The following GALK1 variants were observed in gnomAD, a reference collection of about 807,000 sequenced individuals.
The protein encoded by GALK1 is galactokinase.
A neutral mutation model predicts 38.6 loss-of-function variants in GALK1; 30 were observed. That is an observed-to-expected ratio of 0.78 (90% CI 0.58 to 1.05). GALK1 has a LOEUF of 1.05. Among genes scored for constraint, GALK1 ranks in the 50% least tolerant of loss-of-function variants. GALK1 has a pLI of 0.00. For missense variants in GALK1, 512 were observed against 540.5 expected (o/e 0.95, Z 0.52); for synonymous variants, 240 against 233.6 (o/e 1.03, Z -0.25).
chr17:75,760,341 C>T (rs1282547692), intron 5 of GALK1, among the ~76,000 whole-genome samples: 1 of 152,012 alleles, frequency 6.6e-6, no homozygotes, highest in African/African-American at 2.4e-5. Context: ...AATCTGCCCA[C>T]CTTGGCCTCC....
chr17:75,758,679 G>T, intron 5 of GALK1, 80 bp from the exon 6 acceptor site: 2 of 1,514,846 alleles, frequency 1.3e-6, no homozygotes, highest in South Asian at 1.2e-5. Context: ...AGGCGGTGAT[G>T]GCAGTGGCCC....
chr17:75,756,795 G>T (rs906375343), downstream of GALK1: 1 of 1,612,646 alleles, frequency 6.2e-7, no homozygotes, highest in Non-Finnish European at 8.5e-7. Flanking sequence ...GCTGGGAGCG[G>T]CCACGGAGGC....
At chr17:75,751,996 C>G in intron 8 of GALK1, 1 of 763,962 alleles carries the variant, frequency 1.3e-6, no homozygotes, top group Admixed American at 1.8e-5. Flanking sequence ...TATGTCCACG[C>G]CAGTCATGCT....
chr17:75,751,893 T>G, intron 8 of GALK1: 1 of 503,786 alleles, frequency 2.0e-6, no homozygotes, highest in Non-Finnish European at 3.6e-6. Flanking sequence ...GGAGGCACCG[T>G]GGATATATGG....
Position 75,765,155 on chromosome 17 carries a change from T to C in GALK1, c.-19A>G. ...CAGCCATGACGCGCGCCTGCAGCTC[T>C]GCACAGCTGCTCCGGCACAGCCCCG... On this transcript the variant is annotated 5_prime_UTR_variant, in exon 1 of 8. Coordinates refer to ENST00000588479, the MANE Select transcript of GALK1 (RefSeq NM_000154.2). 6.6e-7 allele frequency: 1 copy of C among 1,516,942 alleles called. No homozygotes were observed. The highest frequency in any genetic ancestry group is 8.8e-7 in the Non-Finnish European group (1 of 1,135,940). 94.0% of individuals were successfully genotyped at this position (1,516,942 alleles called of 1,614,324 possible). A position where few individuals can be genotyped will look rare whatever the true frequency, so the allele number is the denominator to read the frequency against.
At position 75,763,055 on chromosome 17, in the gene GALK1, T is replaced by C; in HGVS notation, c.570A>G (p.Ser190=). The C allele has an allele frequency of 6.2e-7, 1 of 1,612,464 alleles. No individual in the cohort carries two copies. Among genetic ancestry groups the C allele is most frequent in the Non-Finnish European group, 8.5e-7 (1 of 1,179,586 alleles). The change falls in exon 4 of 8, where the codon TCA becomes TCG. Residue 190 remains serine (S), a synonymous_variant. Coordinates refer to ENST00000588479, the MANE Select transcript of GALK1 (RefSeq NM_000154.2). ...GCGCGTGGCCTTTCTGTCCCATAAG[T>C]GAGATGAACTGGTCCATGATGCCAC... ...MPCGIMDQFI[S]LMGQKGHALL... is the part of the protein sequence containing the mutation.
chr17:75,759,427 CA>C (rs10624000), intron 5 of GALK1, among the ~76,000 whole-genome samples: 1 of 143,416 alleles, frequency 7.0e-6, no homozygotes. Context: ...GGCTCCCTCT[CA>C]AAAAAAAAGA....
chr17:75,754,779 A>AG, downstream of GALK1: 1 of 1,612,518 alleles, frequency 6.2e-7, no homozygotes, highest in Non-Finnish European at 8.5e-7. Context: ...CACACTGCCC[A>AG]GGGACTACTC....
downstream of GALK1, chr17:75,756,887 G>A (rs2603508): frequency 7.4e-4 from 1,199 of 1,612,176 alleles, 13 homozygotes; most frequent in South Asian, 0.012. Flanking sequence ...GGCAGGAGTG[G>A]CCAGGGGAGG....
intron 2 of GALK1, 171 bp downstream of exon 2, chr17:75,763,726 C>A (rs1379047703): frequency 2.5e-6 from 2 of 797,598 alleles, no homozygotes; most frequent in Non-Finnish European, 4.1e-6. Flanking sequence ...TCACGGGAAA[C>A]CCAGGGCAAG....
At chr17:75,757,329 G>A, downstream of GALK1, 1 of 1,612,678 alleles carries the variant, frequency 6.2e-7, no homozygotes, top group Non-Finnish European at 8.5e-7. Flanking sequence ...TGAGGGCTAG[G>A]GGATCCCGGC....
chr17:75,761,414 G>C (rs893188382), intron 5 of GALK1, among the ~76,000 whole-genome samples: 1 of 151,580 alleles, frequency 6.6e-6, no homozygotes, highest in Non-Finnish European at 1.5e-5. Context: ...GAGATCAGGA[G>C]TTCGAGACCA....
chr17:75,754,046 G>C, downstream of GALK1: 1 of 711,664 alleles, frequency 1.4e-6, no homozygotes, highest in Non-Finnish European at 2.0e-6. Context: ...CCTGGGGTGG[G>C]CGTCTGCGCT....
chr17:75,763,833 T>C, intron 2 of GALK1, 64 bp downstream of exon 2: 11 of 1,434,816 alleles, frequency 7.7e-6, no homozygotes, highest in Non-Finnish European at 8.8e-6. Flanking sequence ...ATGAATGGGC[T>C]CTGTGGCTGT....
downstream of GALK1, chr17:75,754,965 TGCAC>T: frequency 6.5e-7 from 1 of 1,542,322 alleles, no homozygotes; most frequent in Non-Finnish European, 8.9e-7. Context: ...TGCACACGCA[TGCAC>T]ACATGTACAC....
chr17:75,756,309 A>G, downstream of GALK1: 1 of 1,107,270 alleles, frequency 9.0e-7, no homozygotes, highest in Non-Finnish European at 1.3e-6. Context: ...CTGTACCCAA[A>G]CCACAGCTAG....
chr17:75,759,720 G>A (rs994364965), intron 5 of GALK1, among the ~76,000 whole-genome samples: 1 of 152,184 alleles, frequency 6.6e-6, no homozygotes, highest in Non-Finnish European at 1.5e-5. Flanking sequence ...GCACAGAGCA[G>A]GCAGGGCAGG....
intron 1 of GALK1, chr17:75,764,344 A>G (rs1469078119): frequency 1.4e-6 from 1 of 727,482 alleles, no homozygotes; most frequent in Middle Eastern, 2.3e-4. Context: ...CAAGGGGGAG[A>G]GCTAGCCCAA....
At chr17:75,757,878 G>A (rs1219382188), downstream of GALK1, 2 of 762,684 alleles carry the variant, frequency 2.6e-6, no homozygotes, top group Non-Finnish European at 4.4e-6. Context: ...TAGGGGAGCG[G>A]TTCTGACATC....
Sources: gnomAD v4.1 joint callset for allele counts (sites outside exome capture counted in the v4.1 genomes callset) on GRCh38, gnomAD v4.1.1 for gene constraint, MANE v1.5 for transcripts, NCBI Gene and HGNC (gene_info 2026-07-23, HGNC 2026-07-21) for gene names.